Variants in SLC24A3 observed in about 807,000 individuals in gnomAD.
SLC24A3 encodes sodium/potassium/calcium exchanger 3.
Under a neutral mutation model 75.8 loss-of-function variants are expected in SLC24A3, and 28 were observed. The ratio of observed to expected loss-of-function variants is 0.37; its 90% CI spans 0.27 to 0.51. The LOEUF is 0.51. Ranked by LOEUF, SLC24A3 falls within the 20% of genes least tolerant of loss-of-function variation. The pLI, the probability that SLC24A3 is intolerant of heterozygous loss-of-function variation, is 0.94. For synonymous variants in SLC24A3, 372 were observed against 334.1 expected (o/e 1.11, Z -1.24); for missense variants, 663 against 847.8 (o/e 0.78, Z 2.71).
chr20:19,316,363 T>C (rs759255048), intron 2 of SLC24A3, among the ~76,000 whole-genome samples: 2 of 152,098 alleles, frequency 1.3e-5, no homozygotes, highest in Admixed American at 6.5e-5. Flanking sequence ...AGGGTTTACA[T>C]AAAAGGCCAA....
chr20:19,249,239 T>C (rs981653869), intron 1 of SLC24A3, among the ~76,000 whole-genome samples: 3 of 152,066 alleles, frequency 2.0e-5, no homozygotes, highest in Non-Finnish European at 4.4e-5. Context: ...TTACCAAGAG[T>C]AGTTTGAACA....
At chr20:19,357,283 C>G (rs1265193788) in intron 2 of SLC24A3, among the ~76,000 whole-genome samples, 1 of 152,156 alleles carries the variant, frequency 6.6e-6, no homozygotes, top group African/African-American at 2.4e-5. Flanking sequence ...TCTGCTGACA[C>G]CTTCGGTTTG....
chr20:19,686,417 A>G (rs985758703), intron 12 of SLC24A3, among the ~76,000 whole-genome samples: 3 of 152,186 alleles, frequency 2.0e-5, no homozygotes. Flanking sequence ...CAGGTGGTCC[A>G]AGCCCAAAGA....
At chr20:19,414,030 G>A (rs183660849) in intron 2 of SLC24A3, among the ~76,000 whole-genome samples, 82 of 152,290 alleles carry the variant, frequency 5.4e-4, no homozygotes, top group African/African-American at 1.4e-3. Flanking sequence ...TCTCTGAAGA[G>A]GGAATGCAAA....
At chr20:19,545,284 G>A (rs1447797767) in intron 3 of SLC24A3, among the ~76,000 whole-genome samples, 1 of 152,172 alleles carries the variant, frequency 6.6e-6, no homozygotes, top group Non-Finnish European at 1.5e-5. Context: ...AGCAAGTGTG[G>A]ACAAACGCAG....
intron 6 of SLC24A3, among the ~76,000 whole-genome samples, chr20:19,593,381 T>A (rs1237060258): frequency 1.3e-5 from 2 of 152,162 alleles, no homozygotes; most frequent in Non-Finnish European, 2.9e-5. Flanking sequence ...TGAACCTGAG[T>A]TGAAGGTTAA....
chr20:19,440,643 CT>C (rs1987280922), intron 2 of SLC24A3, among the ~76,000 whole-genome samples: 1 of 111,694 alleles, frequency 9.0e-6, no homozygotes, highest in Non-Finnish European at 1.7e-5. Context: ...AGAGGCCTCA[CT>C]GTTTTTTTTT....
intron 1 of SLC24A3, among the ~76,000 whole-genome samples, chr20:19,214,913 C>T (rs370500195): frequency 5.3e-5 from 8 of 152,252 alleles, no homozygotes; most frequent in African/African-American, 1.7e-4. Flanking sequence ...TAGGACCCCT[C>T]CACACCCCAG....
chr20:19,393,122 G>T (rs1226489855), intron 2 of SLC24A3, among the ~76,000 whole-genome samples: 1 of 152,160 alleles, frequency 6.6e-6, no homozygotes, highest in African/African-American at 2.4e-5. Flanking sequence ...TTAAAAATAT[G>T]CATAATCTCT....
intron 2 of SLC24A3, among the ~76,000 whole-genome samples, chr20:19,366,372 G>A (rs1985891974): frequency 6.6e-6 from 1 of 152,186 alleles, no homozygotes; most frequent in Non-Finnish European, 1.5e-5. Flanking sequence ...ACCTTTAAAT[G>A]TCATTGATAA....
At chr20:19,639,076 C>A (rs2032036831) in intron 6 of SLC24A3, among the ~76,000 whole-genome samples, 1 of 152,158 alleles carries the variant, frequency 6.6e-6, no homozygotes, top group African/African-American at 2.4e-5. Flanking sequence ...CCACATCCTG[C>A]TGATTGGTAG....
At chr20:19,544,039 T>C (rs1339961808) in intron 3 of SLC24A3, among the ~76,000 whole-genome samples, 1 of 152,206 alleles carries the variant, frequency 6.6e-6, no homozygotes, top group East Asian at 1.9e-4. Context: ...CACCAGAAAG[T>C]CAAACTCAAT....
intron 2 of SLC24A3, among the ~76,000 whole-genome samples, chr20:19,511,049 G>A (rs1412279307): frequency 2.0e-5 from 3 of 152,100 alleles, no homozygotes; most frequent in Non-Finnish European, 2.9e-5. Flanking sequence ...AGTGGACGGA[G>A]CCCCCCACCC....
chr20:19,661,242 C>T (rs1003874227), intron 7 of SLC24A3, among the ~76,000 whole-genome samples: 1 of 152,164 alleles, frequency 6.6e-6, no homozygotes, highest in Non-Finnish European at 1.5e-5. Flanking sequence ...ATGATCAGCT[C>T]GGCTAAAGCC....
chr20:19,641,440 T>C (rs952342376), intron 6 of SLC24A3, among the ~76,000 whole-genome samples: 1 of 152,170 alleles, frequency 6.6e-6, no homozygotes, highest in East Asian at 1.9e-4. Context: ...TTAAAACAGA[T>C]CTGCTGTATA....
intron 3 of SLC24A3, among the ~76,000 whole-genome samples, chr20:19,546,186 A>AAAAAAAAAAC (rs2030592049): frequency 7.0e-6 from 1 of 143,450 alleles, no homozygotes. Context: ...AAAAAAAAAA[A>AAAAAAAAAAC]AACCAGGTAA....
rs1463157987 is a variant in SLC24A3 at position 19,449,296 on chromosome 20, AG to A, written c.272-66190del. 2.6e-5 allele frequency among the ~76,000 whole-genome samples: 4 copies of A among 152,326 alleles called. No homozygotes were observed. The East Asian group carries it at 5.8e-4, about 22-fold the overall frequency. On this transcript the variant is annotated intron_variant, in intron 2 of 16. Transcript: ENST00000328041. ...GAGGCTTTGGAGAGAGCTCCGAGGCAGGAAAGCTGAGAGCTGCTGCTGGCAC... is the reference window on the plus strand; with the variant it reads ...GAGGCTTTGGAGAGAGCTCCGAGGCAGAAAGCTGAGAGCTGCTGCTGGCAC...
chr20:19,307,839 G>A (rs1984367428), intron 2 of SLC24A3, among the ~76,000 whole-genome samples: 1 of 152,138 alleles, frequency 6.6e-6, no homozygotes, highest in Non-Finnish European at 1.5e-5. Flanking sequence ...CTTTACACAG[G>A]AATACACATG....
Position 19,244,487 on chromosome 20 carries a change from C to T in SLC24A3, c.142+31503C>T, listed in dbSNP as rs144508547. Among the ~76,000 whole-genome samples, 503 of 152,226 alleles carry T rather than the reference C, an allele frequency of 3.3e-3. 2 individuals carry two copies. The highest frequency in any genetic ancestry group is 0.011 in the African/African-American group (470 of 41,528). On this transcript the variant is annotated intron_variant, in intron 1 of 16. Coordinates refer to ENST00000328041, the MANE Select transcript of SLC24A3 (RefSeq NM_020689.4). ...GAGGTGGAGGGGAGAATTTACCAGG[C>T]AAAGTCCCAGCGCTGGGCAAGTCTA...
Sources: allele counts gnomAD v4.1 joint callset (sites outside exome capture counted in the v4.1 genomes callset), GRCh38; gene constraint gnomAD v4.1.1; transcripts MANE v1.5; gene names NCBI Gene and HGNC (gene_info 2026-07-23, HGNC 2026-07-21).